The following BTBD9 variants were observed in gnomAD, a reference collection of about 807,000 sequenced individuals.
BTBD9 encodes BTB/POZ domain-containing protein 9.
Under a neutral mutation model 64.3 loss-of-function variants are expected in BTBD9, and 49 were observed. The ratio of observed to expected loss-of-function variants is 0.76; its 90% CI spans 0.61 to 0.97. The LOEUF (loss-of-function observed/expected upper bound fraction) is 0.97, where lower values mean the gene tolerates loss of function less well. Among genes scored for constraint, BTBD9 ranks in the 50% least tolerant of loss-of-function variants. The probability of loss-of-function intolerance (pLI) is 0.00; values close to 1 mark genes in which losing one functional copy is unlikely to be tolerated. For missense variants in BTBD9, 598 were observed against 762.1 expected (o/e 0.78, Z 2.53); for synonymous variants, 260 against 274.7 (o/e 0.95, Z 0.53).
chr6:38,436,935 G>C (rs976947303), intron 6 of BTBD9, among the ~76,000 whole-genome samples: 2 of 152,300 alleles, frequency 1.3e-5, no homozygotes, highest in Middle Eastern at 3.4e-3. Context: ...ATAGGAATAT[G>C]TATATGTGTA....
At chr6:38,517,636 G>A (rs1462919006) in intron 6 of BTBD9, among the ~76,000 whole-genome samples, 1 of 152,144 alleles carries the variant, frequency 6.6e-6, no homozygotes, top group East Asian at 1.9e-4. Flanking sequence ...AGGAACAGGA[G>A]ACAGGAAGAA....
In BTBD9 at chr6:38,232,498, C is replaced by T. The variant is rs548756179; in HGVS notation, c.1562+23911G>A. Among the ~76,000 whole-genome samples, 4 of 152,190 alleles carry T rather than the reference C, an allele frequency of 2.6e-5. No homozygotes were observed. The East Asian group carries it at 7.7e-4, about 29-fold the overall frequency. ...TGTTAGCCAGGATGGTCTCGATCTC[C>T]TGACCTCGTGATCTGCCTGCCTCAG... On this transcript the variant is annotated intron_variant, in intron 9 of 10. Coordinates refer to ENST00000481247, the MANE Select transcript of BTBD9 (RefSeq NM_001099272.2).
At chr6:38,308,699 AG>A (rs1470607631) in intron 7 of BTBD9, among the ~76,000 whole-genome samples, 1 of 152,106 alleles carries the variant, frequency 6.6e-6, no homozygotes, top group Non-Finnish European at 1.5e-5. Context: ...GACCTCTCAC[AG>A]GATGAGGTGA....
At chr6:38,267,238 T>A (rs1765042016) in intron 8 of BTBD9, among the ~76,000 whole-genome samples, 1 of 152,246 alleles carries the variant, frequency 6.6e-6, no homozygotes, top group African/African-American at 2.4e-5. Flanking sequence ...CTTCTGTTAA[T>A]AGCTGAAGGC....
chr6:38,352,910 G>A (rs1186554606), intron 6 of BTBD9, among the ~76,000 whole-genome samples: 1 of 152,178 alleles, frequency 6.6e-6, no homozygotes, highest in Non-Finnish European at 1.5e-5. Flanking sequence ...ATATGGGACT[G>A]AATAATACAG....
chr6:38,511,233 T>C (rs1289092709), intron 6 of BTBD9, among the ~76,000 whole-genome samples: 2 of 152,068 alleles, frequency 1.3e-5, no homozygotes, highest in African/African-American at 2.4e-5. Context: ...CTCCTACTTA[T>C]CCTTCAAGAC....
chr6:38,464,343 T>C (rs1408273120), intron 6 of BTBD9, among the ~76,000 whole-genome samples: 2 of 152,090 alleles, frequency 1.3e-5, no homozygotes, highest in Non-Finnish European at 2.9e-5. Flanking sequence ...CTAAGTGACA[T>C]TGATTGACAT....
chr6:38,344,745 CTAAAA>C (rs1764217415), intron 7 of BTBD9, among the ~76,000 whole-genome samples: 1 of 152,180 alleles, frequency 6.6e-6, no homozygotes, highest in African/African-American at 2.4e-5. Flanking sequence ...GAATGAATTA[CTAAAA>C]TATTTTCAAT....
intron 4 of BTBD9, among the ~76,000 whole-genome samples, chr6:38,587,123 G>A (rs1776569568): frequency 6.6e-6 from 1 of 151,972 alleles, no homozygotes; most frequent in Non-Finnish European, 1.5e-5. Context: ...AGATTGGGTG[G>A]GCCCACATGA....
chr6:38,562,707 T>C (rs1775312085), intron 6 of BTBD9, among the ~76,000 whole-genome samples: 1 of 152,238 alleles, frequency 6.6e-6, no homozygotes, highest in Admixed American at 6.5e-5. Context: ...TCTAGGTCAA[T>C]TCATACAGAT....
chr6:38,383,985 A>G (rs1033008376), intron 6 of BTBD9, among the ~76,000 whole-genome samples: 1 of 151,894 alleles, frequency 6.6e-6, no homozygotes, highest in Non-Finnish European at 1.5e-5. Flanking sequence ...CTGCATGGGA[A>G]TACGCACTCC....
intron 6 of BTBD9, among the ~76,000 whole-genome samples, chr6:38,377,043 A>T (rs1582323381): frequency 1.3e-5 from 2 of 152,274 alleles, no homozygotes; most frequent in East Asian, 3.9e-4. Context: ...TAGTTGACAG[A>T]TGAGGTCTCC....
At chr6:38,231,888 G>T (rs1170558757) in intron 9 of BTBD9, among the ~76,000 whole-genome samples, 5 of 152,202 alleles carry the variant, frequency 3.3e-5, no homozygotes, top group Non-Finnish European at 7.3e-5. Flanking sequence ...CATTTCAGAT[G>T]TAATCCCTGA....
chr6:38,354,614 A>T (rs1287979974), intron 6 of BTBD9, among the ~76,000 whole-genome samples: 1 of 152,134 alleles, frequency 6.6e-6, no homozygotes, highest in African/African-American at 2.4e-5. Flanking sequence ...AATGCATTGA[A>T]GTCCCACCTA....
At chr6:38,486,113 T>C (rs1303336193) in intron 6 of BTBD9, among the ~76,000 whole-genome samples, 2 of 152,328 alleles carry the variant, frequency 1.3e-5, no homozygotes, top group Non-Finnish European at 2.9e-5. Context: ...AGCTCTAAGC[T>C]TTTGTTTTGC....
rs570399485 is a variant in BTBD9 at position 38,595,623 on chromosome 6, G to T, written c.186-1296C>A. ...TGGAAATAAGAAAGAGATTCTCCGTGTTGCTAAAATTCTCAGAGTAGGACT... is the reference window on the plus strand; with the variant it reads ...TGGAAATAAGAAAGAGATTCTCCGTTTTGCTAAAATTCTCAGAGTAGGACT... On this transcript the variant is annotated intron_variant, in intron 2 of 10. Transcript: ENST00000481247. 1.5e-4 allele frequency: 30 copies of T among 194,520 alleles called. 1 individual carries two copies. Among genetic ancestry groups the T allele is most frequent in the African/African-American group, 6.9e-4 (29 of 42,332 alleles). The allele number at this position is 194,520 out of a possible 1,614,324, so 12.0% of individuals were successfully genotyped here.
chr6:38,539,129 G>A (rs774367831), intron 6 of BTBD9, among the ~76,000 whole-genome samples: 33 of 151,908 alleles, frequency 2.2e-4, no homozygotes, highest in Admixed American at 3.9e-4. Context: ...ATAAAGTCTC[G>A]CTGTGTTGCC....
intron 9 of BTBD9, among the ~76,000 whole-genome samples, chr6:38,214,885 G>A (rs763083708): frequency 1.3e-5 from 2 of 152,114 alleles, no homozygotes; most frequent in Non-Finnish European, 2.9e-5. Context: ...GCTATTCACC[G>A]TACCAGTCCC....
intron 6 of BTBD9, among the ~76,000 whole-genome samples, chr6:38,346,456 T>G (rs1286934009): frequency 1.3e-5 from 2 of 152,092 alleles, no homozygotes; most frequent in Non-Finnish European, 2.9e-5. Context: ...CTGAACTGAC[T>G]GTCCAGTGTG....
Sources: gnomAD v4.1 joint callset for allele counts (sites outside exome capture counted in the v4.1 genomes callset) on GRCh38, gnomAD v4.1.1 for gene constraint, MANE v1.5 for transcripts, NCBI Gene and HGNC (gene_info 2026-07-23, HGNC 2026-07-21) for gene names.